SAMMSON: variants seen among roughly 807,000 people sequenced by gnomAD.
SAMMSON encodes the protein long intergenic non-protein coding RNA 1212.
chr3:70,074,021 A>G (rs1341500657), intron 4 of SAMMSON, among the ~76,000 whole-genome samples: 1 of 151,806 alleles, frequency 6.6e-6, no homozygotes, highest in Non-Finnish European at 1.5e-5. Flanking sequence ...TATTATTATT[A>G]TTACTATTAC....
intron 4 of SAMMSON, among the ~76,000 whole-genome samples, chr3:70,151,888 T>G (rs1405821243): frequency 2.0e-5 from 3 of 152,014 alleles, no homozygotes; most frequent in African/African-American, 4.8e-5. Context: ...CTAAAATTTT[T>G]AAACATAAGT....
intron 2 of SAMMSON, among the ~76,000 whole-genome samples, chr3:70,400,245 T>C (rs1453950916): frequency 6.6e-6 from 1 of 152,106 alleles, no homozygotes; most frequent in Non-Finnish European, 1.5e-5. Context: ...CCCAACAAAA[T>C]TGATGTTGAA....
chr3:70,119,408 T>C (rs2067424230), intron 4 of SAMMSON, among the ~76,000 whole-genome samples: 1 of 152,208 alleles, frequency 6.6e-6, no homozygotes, highest in African/African-American at 2.4e-5. Context: ...TAGAAAACGG[T>C]AATTGAATTC....
chr3:70,366,508 T>TTTTG (rs60361233), intron 9 of SAMMSON, among the ~76,000 whole-genome samples: 2 of 142,570 alleles, frequency 1.4e-5, no homozygotes, highest in Non-Finnish European at 3.1e-5. Flanking sequence ...TTTTTTTTTT[T>TTTTG]GCCTAATAGC....
chr3:70,289,848 G>C (rs1256029732), intron 6 of SAMMSON, among the ~76,000 whole-genome samples: 10 of 151,874 alleles, frequency 6.6e-5, no homozygotes, highest in Non-Finnish European at 1.5e-4. Context: ...CCAGTTGATT[G>C]CATCGGCTCC....
intron 4 of SAMMSON, among the ~76,000 whole-genome samples, chr3:70,175,754 G>A (rs144769950): frequency 6.6e-6 from 1 of 152,116 alleles, no homozygotes; most frequent in Non-Finnish European, 1.5e-5. Context: ...ATGACTTAAT[G>A]TGGTAAGATT....
intron 2 of SAMMSON, among the ~76,000 whole-genome samples, chr3:70,404,468 C>T (rs1375134839): frequency 2.0e-5 from 3 of 152,006 alleles, no homozygotes; most frequent in African/African-American, 7.2e-5. Context: ...TGGGAAGGAG[C>T]TACACTGACT....
At chr3:70,185,439 C>G (rs1275086413) in intron 4 of SAMMSON, among the ~76,000 whole-genome samples, 2 of 152,014 alleles carry the variant, frequency 1.3e-5, no homozygotes, top group African/African-American at 4.8e-5. Context: ...GGTCTGGGGC[C>G]CAGAGCTCTC....
chr3:70,070,078 T>C (rs976045913), intron 3 of SAMMSON: 2 of 152,008 alleles, frequency 1.3e-5, no homozygotes, highest in Non-Finnish European at 2.9e-5. Flanking sequence ...AGTGCGAAAA[T>C]CCAACACAAT....
At chr3:70,331,054 C>G (rs1702617922) in intron 7 of SAMMSON, among the ~76,000 whole-genome samples, 1 of 152,064 alleles carries the variant, frequency 6.6e-6, no homozygotes, top group African/African-American at 2.4e-5. Flanking sequence ...GATATTAAGC[C>G]TGAGAAGATT....
intron 2 of SAMMSON, among the ~76,000 whole-genome samples, chr3:70,424,472 T>C (rs1014368356): frequency 1.4e-4 from 21 of 152,304 alleles, no homozygotes; most frequent in East Asian, 9.6e-4. Context: ...TACTAAAATA[T>C]GTTAAATACC....
Position 70,124,920 on chromosome 3 carries a change from T to C in SAMMSON, n.507+53355T>C, listed in dbSNP as rs990818460. 4 of 473,980 alleles carry C rather than the reference T, an allele frequency of 8.4e-6. No homozygotes were observed. The East Asian group carries it at 1.4e-4, about 17-fold the overall frequency. The allele number at this position is 473,980 out of a possible 1,614,324, so 29.4% of individuals were successfully genotyped here. A position where few individuals can be genotyped will look rare whatever the true frequency, so the allele number is the denominator to read the frequency against. On this transcript the variant is annotated intron_variant and non_coding_transcript_variant, in intron 4 of 9. Coordinates refer to ENST00000642114, the Ensembl canonical transcript of SAMMSON. The stretch of plus-strand genomic sequence containing the variant: ...TACATATAATATAGTTCCAATACAC[T>C]GATTTAAAGGCATATGTATTTAATT...
chr3:70,062,951 A>G (rs971667089), intron 3 of SAMMSON, among the ~76,000 whole-genome samples: 5 of 152,050 alleles, frequency 3.3e-5, no homozygotes, highest in Non-Finnish European at 7.4e-5. Context: ...CCAAAAATTT[A>G]CATCTTCCTT....
At chr3:70,195,073 C>T (rs1701162651) in intron 4 of SAMMSON, among the ~76,000 whole-genome samples, 1 of 152,132 alleles carries the variant, frequency 6.6e-6, no homozygotes, top group Non-Finnish European at 1.5e-5. Context: ...AAATTAGAAC[C>T]CAAGTTAGAG....
intron 4 of SAMMSON, among the ~76,000 whole-genome samples, chr3:70,217,114 C>T (rs1701419372): frequency 6.6e-6 from 1 of 152,024 alleles, no homozygotes; most frequent in Non-Finnish European, 1.5e-5. Flanking sequence ...CCACCCTTGA[C>T]CAAAATGCTG....
rs375033665 is a variant in SAMMSON, at chr3:70,155,893, T to C, written n.507+84328T>C. Reference sequence around the variant, plus strand: ...GTTAGAGCTCCTCAAATATTGAACATGCATCCTTTTGAAATAGAGTTGCTA... The same window carrying C: ...GTTAGAGCTCCTCAAATATTGAACACGCATCCTTTTGAAATAGAGTTGCTA... On this transcript the variant is annotated intron_variant and non_coding_transcript_variant, in intron 4 of 9. Coordinates refer to ENST00000642114, the Ensembl canonical transcript of SAMMSON. 4.6e-5 allele frequency among the ~76,000 whole-genome samples: 7 copies of C among 152,216 alleles called. No individual in the cohort carries two copies. The East Asian group carries it at 1.4e-3, about 29-fold the overall frequency.
chr3:70,034,956 T>C (rs2067079923), intron 3 of SAMMSON, among the ~76,000 whole-genome samples: 1 of 152,174 alleles, frequency 6.6e-6, no homozygotes, highest in South Asian at 2.1e-4. Context: ...GTGTAACAAA[T>C]TACTGTAAAC....
chr3:70,039,490 A>G (rs1174524818), intron 3 of SAMMSON, among the ~76,000 whole-genome samples: 1 of 151,930 alleles, frequency 6.6e-6, no homozygotes. Context: ...TATCTGCACC[A>G]TGAGCTCTCC....
chr3:70,039,363 C>T (rs146073866), intron 3 of SAMMSON, among the ~76,000 whole-genome samples: 114 of 152,040 alleles, frequency 7.5e-4, no homozygotes, highest in African/African-American at 2.6e-3. Context: ...TTTAAGTAAG[C>T]GAACTGCCCT....
Sources: gnomAD v4.1 joint callset for allele counts (sites outside exome capture counted in the v4.1 genomes callset) on GRCh38, gnomAD v4.1.1 for gene constraint, MANE v1.5 for transcripts, NCBI Gene and HGNC (gene_info 2026-07-23, HGNC 2026-07-21) for gene names.